The following ANKRD44 variants were observed in gnomAD, a reference collection of about 807,000 sequenced individuals.
The protein encoded by ANKRD44 is serine/threonine-protein phosphatase 6 regulatory ankyrin repeat subunit B.
ANKRD44 carries 35 observed loss-of-function variants against 116.0 expected under a neutral mutation model. The observed-to-expected ratio is 0.30, with a 90% CI of 0.23 to 0.40. ANKRD44 has a LOEUF of 0.40. Ranked by LOEUF, ANKRD44 falls within the 10% of genes least tolerant of loss-of-function variation. The pLI is 1.00. For missense variants in ANKRD44, 1,014 were observed against 1,242.6 expected (o/e 0.82, Z 2.77); for synonymous variants, 435 against 461.8 (o/e 0.94, Z 0.74).
intron 9 of ANKRD44, among the ~76,000 whole-genome samples, chr2:197,100,979 C>T (rs1476452534): frequency 1.3e-5 from 2 of 152,112 alleles, no homozygotes; most frequent in African/African-American, 2.4e-5. Context: ...CATTTTACCG[C>T]TAAGTATGTT....
downstream of ANKRD44, chr2:196,986,598 G>T: frequency 1.7e-6 from 1 of 578,942 alleles, no homozygotes; most frequent in Non-Finnish European, 2.2e-6. Flanking sequence ...TGGCTTGAGG[G>T]GGTGCAAAGA....
chr2:197,065,963 A>G (rs937308163), intron 16 of ANKRD44, among the ~76,000 whole-genome samples: 3 of 152,226 alleles, frequency 2.0e-5, no homozygotes, highest in Admixed American at 1.3e-4. Flanking sequence ...TCCTGATACC[A>G]AAGCCTGGCA....
intron 9 of ANKRD44, among the ~76,000 whole-genome samples, chr2:197,109,610 A>G (rs932391529): frequency 6.6e-6 from 1 of 152,164 alleles, no homozygotes; most frequent in Non-Finnish European, 1.5e-5. Flanking sequence ...TAATAATTCA[A>G]GTGTATGTGG....
At position 196,998,347 on chromosome 2, in the gene ANKRD44, G is replaced by T; in HGVS notation, c.2738C>A (p.Ala913Asp). Reference sequence around the variant, plus strand: ...AATTCATTTACATACTTTACTACAAGCCAAATGTAAGGGTGTATTCAAGTC... The same window carrying T: ...AATTCATTTACATACTTTACTACAATCCAAATGTAAGGGTGTATTCAAGTC... ...DKDLNTPLHL[A>D]CSKGHEKCAL... Residue 913 changes from alanine to aspartate, a missense_variant, in exon 25 of 28, where the codon GCT becomes GAT. Transcript: ENST00000282272. The T allele has an allele frequency of 6.2e-7, 1 of 1,611,722 alleles. No homozygotes were observed. The highest frequency in any genetic ancestry group is 8.5e-7 in the Non-Finnish European group (1 of 1,178,168).
intron 2 of ANKRD44, among the ~76,000 whole-genome samples, chr2:197,182,062 TA>T (rs552399967): frequency 6.6e-6 from 1 of 152,226 alleles, no homozygotes; most frequent in Non-Finnish European, 1.5e-5. Context: ...CACATTGTCA[TA>T]ACATAATCCT....
chr2:197,139,299 G>A (rs2079299220), intron 3 of ANKRD44, among the ~76,000 whole-genome samples: 1 of 152,146 alleles, frequency 6.6e-6, no homozygotes. Flanking sequence ...CGACGTTGTG[G>A]TATACCCGTA....
intron 6 of ANKRD44, among the ~76,000 whole-genome samples, chr2:197,123,416 A>G (rs2078903360): frequency 6.6e-6 from 1 of 152,164 alleles, no homozygotes; most frequent in South Asian, 2.1e-4. Flanking sequence ...CTGTTCCATA[A>G]TTCACTATAT....
chr2:197,044,058 T>C (rs1031165858), intron 16 of ANKRD44, among the ~76,000 whole-genome samples: 2 of 152,224 alleles, frequency 1.3e-5, no homozygotes, highest in Non-Finnish European at 2.9e-5. Context: ...ATTTGTAGGA[T>C]ATTTTCTTTT....
rs74333307 is a variant in ANKRD44, at chr2:197,048,131, T to C, written c.1651-22864A>G. Among the ~76,000 whole-genome samples, 3 of 152,294 alleles carry C rather than the reference T, an allele frequency of 2.0e-5. No homozygotes were observed. In the East Asian group the frequency reaches 5.8e-4, roughly 29 times the overall value. On this transcript the variant is annotated intron_variant, in intron 16 of 27. Coordinates refer to ENST00000282272, the MANE Select transcript of ANKRD44 (RefSeq NM_001195144.2). ...TATTTTATGTGAAATTTTGGCAAATTATGAAAAAATTTATTTTTACATTGT... is the reference window on the plus strand; with the variant it reads ...TATTTTATGTGAAATTTTGGCAAATCATGAAAAAATTTATTTTTACATTGT...
chr2:197,224,497 T>C (rs1022253607), intron 1 of ANKRD44, among the ~76,000 whole-genome samples: 2 of 152,208 alleles, frequency 1.3e-5, no homozygotes, highest in African/African-American at 4.8e-5. Flanking sequence ...AGATTGTCCT[T>C]GTGTATTTTC....
intron 4 of ANKRD44, among the ~76,000 whole-genome samples, chr2:197,132,957 G>A (rs1315235581): frequency 6.6e-6 from 1 of 152,184 alleles, no homozygotes. Context: ...CAAGTTGGCT[G>A]AGTTGAACTA....
intron 8 of ANKRD44, among the ~76,000 whole-genome samples, chr2:197,120,461 C>T (rs1479360766): frequency 6.6e-6 from 1 of 152,012 alleles, no homozygotes; most frequent in Admixed American, 6.6e-5. Flanking sequence ...ACCAGCCTGG[C>T]CAACATGGTG....
intron 17 of ANKRD44, among the ~76,000 whole-genome samples, chr2:197,021,558 T>C (rs1034041924): frequency 2.0e-5 from 3 of 152,260 alleles, no homozygotes; most frequent in African/African-American, 7.2e-5. Context: ...CCAGGGATGA[T>C]GAGCATTTTT....
intron 16 of ANKRD44, among the ~76,000 whole-genome samples, chr2:197,068,998 CAT>C (rs1415208207): frequency 6.6e-6 from 1 of 152,162 alleles, no homozygotes; most frequent in Non-Finnish European, 1.5e-5. Flanking sequence ...CACATGCACA[CAT>C]ATGTTTATTG....
At chr2:197,066,120 C>A (rs926651283) in intron 16 of ANKRD44, among the ~76,000 whole-genome samples, 2 of 152,302 alleles carry the variant, frequency 1.3e-5, no homozygotes, top group Admixed American at 6.5e-5. Flanking sequence ...CCCTGGGATG[C>A]AAGGCTGGTT....
At chr2:197,114,973 G>A (rs940619575) in intron 8 of ANKRD44, among the ~76,000 whole-genome samples, 6 of 152,198 alleles carry the variant, frequency 3.9e-5, no homozygotes, top group South Asian at 2.1e-4. Context: ...TCTAAGTACC[G>A]TCCCTATCAC....
intron 2 of ANKRD44, among the ~76,000 whole-genome samples, chr2:197,157,258 C>T (rs1262037530): frequency 2.0e-5 from 3 of 152,106 alleles, no homozygotes; most frequent in Admixed American, 6.5e-5. Context: ...ATAGCAAAAT[C>T]GAATTAACCA....
intron 1 of ANKRD44, among the ~76,000 whole-genome samples, chr2:197,287,877 CGGTGTGGT>C (rs926262281): frequency 6.6e-6 from 1 of 151,418 alleles, no homozygotes; most frequent in Non-Finnish European, 1.5e-5. Context: ...AAAATTAGCC[CGGTGTGGT>C]GGCACACACC....
At chr2:197,238,155 T>C (rs1325933903) in intron 1 of ANKRD44, among the ~76,000 whole-genome samples, 1 of 152,232 alleles carries the variant, frequency 6.6e-6, no homozygotes, top group Non-Finnish European at 1.5e-5. Context: ...TGTGTGGTCC[T>C]TTCATTAATA....
Sources: gnomAD v4.1 joint callset for allele counts (sites outside exome capture counted in the v4.1 genomes callset) on GRCh38, gnomAD v4.1.1 for gene constraint, MANE v1.5 for transcripts, NCBI Gene and HGNC (gene_info 2026-07-23, HGNC 2026-07-21) for gene names.